The following PTCHD1 variants were observed in gnomAD, a reference collection of about 807,000 sequenced individuals.
The protein encoded by PTCHD1 is patched domain-containing protein 1.
In PTCHD1, 3 loss-of-function variants were observed where a neutral mutation model predicts 34.6. That is an observed-to-expected ratio of 0.09 (90% CI 0.04 to 0.22). The LOEUF (loss-of-function observed/expected upper bound fraction) is 0.22, where lower values mean the gene tolerates loss of function less well. PTCHD1 is among the 10% of genes least tolerant of loss of function. The pLI is 1.00. For missense variants in PTCHD1, 504 were observed against 685.5 expected (o/e 0.74, Z 2.96); for synonymous variants, 305 against 283.1 (o/e 1.08, Z -0.77).
In PTCHD1 at chrX:23,393,633, C is replaced by G. The variant is rs1326489960; in HGVS notation, c.2115C>G (p.Ile705Met). ...GAGCCCCCCTGCACAACTCCTGCATCAGTGCTTTGTTCCTGCTCTTCTTCT... is the reference window on the plus strand; with the variant it reads ...GAGCCCCCCTGCACAACTCCTGCATGAGTGCTTTGTTCCTGCTCTTCTTCT... ...SLGAPLHNSC[I>M]SALFLLFFSA... is the part of the protein sequence containing the mutation. The change falls in exon 3 of 3, where the codon ATC (isoleucine) becomes ATG (methionine). Residue 705 changes from isoleucine (I) to methionine (M), a missense_variant. Coordinates refer to ENST00000379361, the MANE Select transcript of PTCHD1 (RefSeq NM_173495.3). 1 of 1,211,763 alleles carries G rather than the reference C, an allele frequency of 8.3e-7. No homozygotes were observed. Among genetic ancestry groups the G allele is most frequent in the African/African-American group, 1.7e-5 (1 of 57,823 alleles).
At chrX:23,342,305 TATATA>T (rs1375282513) in intron 1 of PTCHD1, among the ~76,000 whole-genome samples, 63 of 9,811 alleles carry the variant, frequency 6.4e-3, no homozygotes, top group East Asian at 6.5e-3. Context: ...TATATATATA[TATATA>T]TTTTTTTTTT....
At chrX:23,364,082 G>A (rs1922066473) in intron 1 of PTCHD1, among the ~76,000 whole-genome samples, 1 of 111,574 alleles carries the variant, frequency 9.0e-6, no homozygotes, top group Admixed American at 9.5e-5. Flanking sequence ...GGTCAGTTAA[G>A]TAGAAGATGG....
chrX:23,362,588 G>T (rs1302106230), intron 1 of PTCHD1, among the ~76,000 whole-genome samples: 1 of 111,864 alleles, frequency 8.9e-6, no homozygotes, highest in African/African-American at 3.3e-5. Context: ...CTTTAGCTCG[G>T]AGAAGTTTGT....
At chrX:23,372,202 G>A (rs995258320) in intron 1 of PTCHD1, among the ~76,000 whole-genome samples, 4 of 109,530 alleles carry the variant, frequency 3.7e-5, no homozygotes, top group Non-Finnish European at 7.6e-5. Flanking sequence ...TTTAAATTAG[G>A]GGTGAGCTCA....
chrX:23,334,828 G>A (rs765752050), upstream of PTCHD1: 2 of 911,254 alleles, frequency 2.2e-6, no homozygotes, highest in Non-Finnish European at 2.8e-6. Context: ...GCCCGAACCC[G>A]CGCCGAGCGT....
Position 23,360,835 on chromosome X carries a change from T to G in PTCHD1, c.352-18756T>G, listed in dbSNP as rs774326263. Among the ~76,000 whole-genome samples, 3 of 112,449 alleles carry G rather than the reference T, an allele frequency of 2.7e-5. No individual in the cohort carries two copies. In the South Asian group the frequency reaches 1.1e-3, roughly 41 times the overall value. ...CCTACTTTAAATGTGTCCCAGACAT[T>G]CTGGTTTGTTGTGTCTTTGTTCTCA... On this transcript the variant is annotated intron_variant, in intron 1 of 2. Transcript: ENST00000379361.
At chrX:23,337,048 A>G (rs1275055760) in intron 1 of PTCHD1, among the ~76,000 whole-genome samples, 2 of 111,912 alleles carry the variant, frequency 1.8e-5, no homozygotes, top group African/African-American at 6.5e-5. Flanking sequence ...TTAATGAGAC[A>G]TCAACAAGCA....
intron 1 of PTCHD1, among the ~76,000 whole-genome samples, chrX:23,365,908 C>A (rs937040873): frequency 2.7e-5 from 3 of 112,285 alleles, no homozygotes; most frequent in Non-Finnish European, 5.6e-5. Flanking sequence ...TAGTCTATGA[C>A]TGCACTTTAG....
chrX:23,384,172 A>G (rs965170364), intron 2 of PTCHD1, among the ~76,000 whole-genome samples: 2 of 112,548 alleles, frequency 1.8e-5, no homozygotes, highest in African/African-American at 6.4e-5. Context: ...CTGTACAGCT[A>G]AAAAGGAGAA....
intron 1 of PTCHD1, among the ~76,000 whole-genome samples, chrX:23,360,802 C>G (rs1282768579): frequency 8.9e-6 from 1 of 111,967 alleles, no homozygotes; most frequent in African/African-American, 3.3e-5. Context: ...ATAAATTGCC[C>G]TCTACACCCT....
At chrX:23,372,389 C>T (rs943567113) in intron 1 of PTCHD1, among the ~76,000 whole-genome samples, 8 of 110,531 alleles carry the variant, frequency 7.2e-5, no homozygotes, top group Admixed American at 5.8e-4. Flanking sequence ...TCATGTCAGG[C>T]GCCAAAGTCA....
intron 1 of PTCHD1, among the ~76,000 whole-genome samples, chrX:23,369,455 G>C (rs755029560): frequency 6.3e-5 from 7 of 111,429 alleles, no homozygotes; most frequent in Non-Finnish European, 1.3e-4. Flanking sequence ...ACTCTCATTA[G>C]GGGACAATTT....
Position 23,395,396 on chromosome X carries a change from G to C in PTCHD1, c.*1211G>C, listed in dbSNP as rs1420321093. ...CTTTGTAAAAGTGCAGGGAGATAAAGGGCCAAAAGGGAGATAGATGGAAAA... is the reference window on the plus strand; with the variant it reads ...CTTTGTAAAAGTGCAGGGAGATAAACGGCCAAAAGGGAGATAGATGGAAAA... On this transcript the variant is annotated 3_prime_UTR_variant, in exon 3 of 3. Transcript: ENST00000379361. 6 of 111,761 alleles carry C rather than the reference G, an allele frequency of 5.4e-5. No individual in the cohort carries two copies. Among genetic ancestry groups the C allele is most frequent in the Admixed American group, 9.5e-5 (1 of 10,539 alleles). 9.2% of individuals were successfully genotyped at this position (111,761 alleles called of 1,213,427 possible). A position where few individuals can be genotyped will look rare whatever the true frequency, so the allele number is the denominator to read the frequency against.
chrX:23,366,710 G>A (rs7883365), intron 1 of PTCHD1, among the ~76,000 whole-genome samples: 5,098 of 111,532 alleles, frequency 0.046, 213 homozygotes, highest in African/African-American at 0.13. Context: ...AGATTTTGTA[G>A]TTGTCTTGTT....
chrX:23,386,605 C>G (rs772996291), intron 2 of PTCHD1, among the ~76,000 whole-genome samples: 1 of 112,232 alleles, frequency 8.9e-6, no homozygotes, highest in Non-Finnish European at 1.9e-5. Flanking sequence ...AATTTCTTCT[C>G]AAAAACACAA....
At chrX:23,392,073 TC>T (rs1922849605) in intron 2 of PTCHD1, among the ~76,000 whole-genome samples, 1 of 79,344 alleles carries the variant, frequency 1.3e-5, no homozygotes, top group African/African-American at 6.2e-5. Context: ...TTTCTTTCTT[TC>T]TTTTTTTTTT....
At position 23,403,361 on chromosome X, in the gene PTCHD1, T is replaced by C. The variant is rs1252573095; in HGVS notation, c.*9176T>C. 8.9e-6 allele frequency: 1 copy of C among 111,951 alleles called. No homozygotes were observed. The highest frequency in any genetic ancestry group is 1.9e-5 in the Non-Finnish European group (1 of 53,168). The allele number at this position is 111,951 out of a possible 1,213,427, so 9.2% of individuals were successfully genotyped here. A position where few individuals can be genotyped will look rare whatever the true frequency, so the allele number is the denominator to read the frequency against. ...TCCAAATGCTAGAGCACATAATGAGTTCAGCTTGGTCAGTTTTGAGACAGA... is the reference window on the plus strand; with the variant it reads ...TCCAAATGCTAGAGCACATAATGAGCTCAGCTTGGTCAGTTTTGAGACAGA... On this transcript the variant is annotated 3_prime_UTR_variant, in exon 3 of 3. Coordinates refer to ENST00000379361, the MANE Select transcript of PTCHD1 (RefSeq NM_173495.3).
chrX:23,392,192 G>A lies in PTCHD1; in HGVS notation c.1013-339G>A, dbSNP rs775617796. Among the ~76,000 whole-genome samples, 13 of 105,636 alleles carry A rather than the reference G, an allele frequency of 1.2e-4. No homozygotes were observed. The South Asian group carries it at 5.6e-3, about 46-fold the overall frequency. 91.7% of individuals were successfully genotyped at this position (105,636 alleles called of 115,157 possible). A position where few individuals can be genotyped will look rare whatever the true frequency, so the allele number is the denominator to read the frequency against. On this transcript the variant is annotated intron_variant, in intron 2 of 2. Transcript: ENST00000379361. ...CCCAAGTTGCTAGGATTACAGGCATGAGCCACCATGACTGGCTCTACTCAG... is the reference window on the plus strand; with the variant it reads ...CCCAAGTTGCTAGGATTACAGGCATAAGCCACCATGACTGGCTCTACTCAG...
intron 1 of PTCHD1, among the ~76,000 whole-genome samples, chrX:23,354,440 G>C (rs1216225566): frequency 9.5e-6 from 1 of 105,363 alleles, no homozygotes; most frequent in East Asian, 3.0e-4. Context: ...CAGAGAGAGA[G>C]AGAGAGAGAG....
Sources: gnomAD v4.1 joint callset for allele counts (sites outside exome capture counted in the v4.1 genomes callset) on GRCh38, gnomAD v4.1.1 for gene constraint, MANE v1.5 for transcripts, NCBI Gene and HGNC (gene_info 2026-07-23, HGNC 2026-07-21) for gene names.